Variants in TP53I3 observed in about 807,000 individuals in gnomAD.
The protein encoded by TP53I3 is tumor protein p53 inducible protein 3, also known as quinone oxidoreductase PIG3.
Under a neutral mutation model 27.7 loss-of-function variants are expected in TP53I3, and 32 were observed. The ratio of observed to expected loss-of-function variants is 1.16; its 90% CI spans 0.87 to 1.55. TP53I3 has a LOEUF of 1.55. TP53I3 is among the 40% of genes most tolerant of loss of function. TP53I3 has a pLI of 0.00. For synonymous variants in TP53I3, 138 were observed against 167.8 expected (o/e 0.82, Z 1.37); for missense variants, 372 against 412.3 (o/e 0.90, Z 0.85).
rs1379359720 is a variant in TP53I3, at chr2:24,079,432, T to A, written c.816+12A>T. The A allele has an allele frequency of 6.2e-7, 1 of 1,612,400 alleles. No individual in the cohort carries two copies. The highest frequency in any genetic ancestry group is 8.5e-7 in the Non-Finnish European group (1 of 1,179,056). On this transcript the variant is annotated intron_variant, in intron 4 of 4. Coordinates refer to ENST00000238721, the MANE Select transcript of TP53I3 (RefSeq NM_004881.5). ...GGTTAAATCACATGTTTTCTTTTCA[T>A]TCATCACTCACCTTATTGTCCCTAG... is the stretch of plus-strand genomic sequence containing the variant.
At position 24,080,489 on chromosome 2, in the gene TP53I3, C is replaced by T. The variant is rs1664950250; in HGVS notation, c.619+330G>A. ...CAACCCTACCATGGCTGGCTCCAAA[C>T]TGGTCTCTGCCTCCAAGCCTCCTGT... On this transcript the variant is annotated intron_variant, in intron 3 of 4. Transcript: ENST00000238721. This position sits in a 1 kb window ranked among gnomAD's most constrained non-coding sequence, Gnocchi z 4.7. Among the ~76,000 whole-genome samples the T allele has an allele frequency of 6.6e-6, 1 of 152,232 alleles. No individual in the cohort carries two copies. Among genetic ancestry groups the T allele is most frequent in the African/African-American group, 2.4e-5 (1 of 41,460 alleles).
At chr2:24,081,733 G>A (rs1665012048) in intron 2 of TP53I3, among the ~76,000 whole-genome samples, 1 of 148,966 alleles carries the variant, frequency 6.7e-6, no homozygotes, top group Non-Finnish European at 1.5e-5. Context: ...CTGTCACCCA[G>A]GCTGGAGTGC....
chr2:24,084,367 A>C lies in TP53I3; in HGVS notation c.-41T>G. 6.4e-7 allele frequency: 1 copy of C among 1,568,328 alleles called. No individual in the cohort carries two copies. Among genetic ancestry groups the C allele is most frequent in the Non-Finnish European group, 8.6e-7 (1 of 1,158,578 alleles). ...AGGGCAGGGCAGGGCAGGACAGGAC[A>C]GGGCAGGGCAGGGCAGGACAGGACA... On this transcript the variant is annotated 5_prime_UTR_variant, in exon 1 of 5. Transcript: ENST00000238721. The surrounding 1 kb of genome is among the most constrained non-coding windows in gnomAD (Gnocchi z 8.4).
chr2:24,084,182 TG>T lies in TP53I3; in HGVS notation c.138+6del. The T allele has an allele frequency of 6.2e-7, 1 of 1,609,714 alleles. No homozygotes were observed. Among genetic ancestry groups the T allele is most frequent in the Non-Finnish European group, 8.5e-7 (1 of 1,178,570 alleles). ...CGCCCGCCCCGGCGCGGCTGAGCCCTGGGTACCTGCATTAAGTCCGCCCGGT... is the reference window on the plus strand; with the variant it reads ...CGCCCGCCCCGGCGCGGCTGAGCCCTGGTACCTGCATTAAGTCCGCCCGGT... On this transcript the variant is annotated splice_donor_region_variant and intron_variant, in intron 1 of 4. Transcript: ENST00000238721. The surrounding 1 kb of genome is among the most constrained non-coding windows in gnomAD (Gnocchi z 8.4).
In TP53I3 at chr2:24,081,008, CAT is replaced by C. The variant is rs775776364; in HGVS notation, c.428_429del (p.Tyr143CysfsTer56). ...CCACTCAGTCCTGCATGGATTAGCA[CAT>C]AGTCTCCAGCCTGAACATTTCCTGT... ...HLVGNVQAGD[Y>X]VLIHAGLSGV... is the part of the protein sequence containing the mutation. On this transcript the variant is annotated frameshift_variant, in exon 3 of 5. Coordinates refer to ENST00000238721, the MANE Select transcript of TP53I3 (RefSeq NM_004881.5). LOFTEE classifies it high-confidence loss of function. 1.2e-5 allele frequency: 20 copies of C among 1,614,108 alleles called. No homozygotes were observed. In the South Asian group the frequency reaches 1.8e-4, roughly 14 times the overall value.
chr2:24,078,387 A>G (rs562685437), intron 4 of TP53I3, among the ~76,000 whole-genome samples: 21 of 151,360 alleles, frequency 1.4e-4, no homozygotes, highest in African/African-American at 5.1e-4. Context: ...AATACAAGCC[A>G]GGCATGGTGG....
At position 24,084,162 on chromosome 2, in the gene TP53I3, GC is replaced by G; in HGVS notation, c.138+26del. ...AGAGGGAGGCTCTGGAGTCCCGCCC[GC>G]CCCGGCGCGGCTGAGCCCTGGGTAC... On this transcript the variant is annotated intron_variant, in intron 1 of 4. Coordinates refer to ENST00000238721, the MANE Select transcript of TP53I3 (RefSeq NM_004881.5). This position sits in a 1 kb window ranked among gnomAD's most constrained non-coding sequence, Gnocchi z 8.4. 1 of 1,593,988 alleles carries G rather than the reference GC, an allele frequency of 6.3e-7. No individual in the cohort carries two copies.
In TP53I3 at chr2:24,077,630, G is replaced by A. The variant is rs1428651023; in HGVS notation, c.948C>T (p.Tyr316=). 1.2e-5 allele frequency: 19 copies of A among 1,614,110 alleles called. No homozygotes were observed. The highest frequency in any genetic ancestry group is 1.6e-5 in the Non-Finnish European group (19 of 1,179,998). The change falls in exon 5 of 5, where the codon TAC becomes TAT. Residue 316 remains tyrosine (Y), a synonymous_variant. Coordinates refer to ENST00000238721, the MANE Select transcript of TP53I3 (RefSeq NM_004881.5). This position sits in a 1 kb window ranked among gnomAD's most constrained non-coding sequence, Gnocchi z 5.5. ...TGCCTATGTTCTTGTTGGCCTCCAT[G>A]TACTTATGGGCCTCCTGGATTTCGG... ...PVTEIQEAHK[Y]MEANKNIGKI...
chr2:24,081,853 G>A (rs776200573), intron 2 of TP53I3, among the ~76,000 whole-genome samples: 2 of 151,714 alleles, frequency 1.3e-5, no homozygotes, highest in African/African-American at 2.4e-5. Flanking sequence ...CCACCACCAC[G>A]CCCAGCTAAT....
chr2:24,079,667 C>G (rs775235699), intron 3 of TP53I3, 27 bp from the exon 4 acceptor site: 1 of 1,607,228 alleles, frequency 6.2e-7, no homozygotes, highest in Admixed American at 1.7e-5. Context: ...ATTTGTGATG[C>G]TAGTCAGCTT....
Position 24,084,746 on chromosome 2 carries a change from C to T in TP53I3, c.-420G>A, listed in dbSNP as rs1366160517. On this transcript the variant is annotated 5_prime_UTR_variant, in exon 1 of 5. Transcript: ENST00000238721. The surrounding 1 kb of genome is among the most constrained non-coding windows in gnomAD (Gnocchi z 8.4). Reference sequence around the variant, plus strand: ...AGTTACTTACTCCTGGCCCGGCTCCCCTCCCATGCACCAGGCGGCGCCGAG... The same window carrying T: ...AGTTACTTACTCCTGGCCCGGCTCCTCTCCCATGCACCAGGCGGCGCCGAG... The T allele has an allele frequency of 6.3e-6, 1 of 159,530 alleles. No homozygotes were observed. The highest frequency in any genetic ancestry group is 2.4e-5 in the African/African-American group (1 of 41,652). The allele number at this position is 159,530 out of a possible 1,614,324, so 9.9% of individuals were successfully genotyped here. A position where few individuals can be genotyped will look rare whatever the true frequency, so the allele number is the denominator to read the frequency against.
rs1388685539 is a variant in TP53I3 at position 24,084,493 on chromosome 2, T to C, written c.-167A>G. 19 of 912,982 alleles carry C rather than the reference T, an allele frequency of 2.1e-5. No individual in the cohort carries two copies. The East Asian group carries it at 5.6e-4, about 27-fold the overall frequency. 56.6% of individuals were successfully genotyped at this position (912,982 alleles called of 1,614,324 possible). On this transcript the variant is annotated 5_prime_UTR_variant, in exon 1 of 5. Coordinates refer to ENST00000238721, the MANE Select transcript of TP53I3 (RefSeq NM_004881.5). The surrounding 1 kb of genome is among the most constrained non-coding windows in gnomAD (Gnocchi z 8.4). Reference sequence around the variant, plus strand: ...CGCCCCCTGCCGGCCAGCGCCTCGCTGCCCTGGTCTGCCGCGGACCCGGCC... The same window carrying C: ...CGCCCCCTGCCGGCCAGCGCCTCGCCGCCCTGGTCTGCCGCGGACCCGGCC...
chr2:24,078,369 CTA>C (rs1240383156), intron 4 of TP53I3, among the ~76,000 whole-genome samples: 1 of 150,956 alleles, frequency 6.6e-6, no homozygotes, highest in African/African-American at 2.4e-5. Context: ...AAACCTGTCT[CTA>C]TAAAAAATAC....
rs1558362467 is a variant in TP53I3, at chr2:24,084,207, G to A, written c.120C>T (p.Asn40=). The change falls in exon 1 of 5, where the codon AAC becomes AAT. Residue 40 remains asparagine, a synonymous_variant. Coordinates refer to ENST00000238721, the MANE Select transcript of TP53I3 (RefSeq NM_004881.5). This position sits in a 1 kb window ranked among gnomAD's most constrained non-coding sequence, Gnocchi z 8.4. ...TGGGTACCTGCATTAAGTCCGCCCG[G>A]TTCAGGGCGCTGGCCGCCACCTTCA... The part of the protein sequence containing the change: ...VLLKVAASAL[N]RADLMQRQGQ... 1 of 1,613,368 alleles carries A rather than the reference G, an allele frequency of 6.2e-7. No individual in the cohort carries two copies. Among genetic ancestry groups the A allele is most frequent in the Non-Finnish European group, 8.5e-7 (1 of 1,179,808 alleles).
Position 24,077,829 on chromosome 2 carries a change from A to G in TP53I3, c.817-68T>C. The stretch of plus-strand genomic sequence containing the variant: ...TCACCCTGCCCTCCTCATCCTCCTC[A>G]GCCTTCTTGCTCTCTCTGAAGCCAC... On this transcript the variant is annotated intron_variant, in intron 4 of 4. Coordinates refer to ENST00000238721, the MANE Select transcript of TP53I3 (RefSeq NM_004881.5). This position sits in a 1 kb window ranked among gnomAD's most constrained non-coding sequence, Gnocchi z 5.5. The G allele has an allele frequency of 1.3e-6, 2 of 1,535,610 alleles. No homozygotes were observed. Among genetic ancestry groups the G allele is most frequent in the Admixed American group, 1.9e-5 (1 of 51,614 alleles).
In TP53I3 at chr2:24,079,535, C is replaced by T; in HGVS notation, c.725G>A (p.Gly242Glu). Residue 242 changes from glycine to glutamate, a missense_variant, in exon 4 of 5, where the codon GGA becomes GAA. Transcript: ENST00000238721. ...DGRWVLYGLM[G>E]GGDINGPLFS... ...CAGGGGCCCATTGATGTCACCTCCT[C>T]CCATCAGACCATAGAGAACCCATCG... is the stretch of plus-strand genomic sequence containing the variant. 1.2e-6 allele frequency: 2 copies of T among 1,614,166 alleles called. No homozygotes were observed. Among genetic ancestry groups the T allele is most frequent in the Non-Finnish European group, 1.7e-6 (2 of 1,180,032 alleles).
intron 1 of TP53I3, among the ~76,000 whole-genome samples, chr2:24,083,564 C>A (rs1361519936): frequency 6.6e-6 from 1 of 152,286 alleles, no homozygotes; most frequent in East Asian, 1.9e-4. Context: ...TGTGGCAGAA[C>A]CACCTGAGGA....
Position 24,080,354 on chromosome 2 carries a change from C to CAA in TP53I3, c.619+463_619+464dup, listed in dbSNP as rs71395186. The stretch of plus-strand genomic sequence containing the variant: ...TCAGTGACAGAGTGAGACTCCATCT[C>CAA]AAAAAAAAAAAAGAAAGAGAAACGG... On this transcript the variant is annotated intron_variant, in intron 3 of 4. Transcript: ENST00000238721. This position sits in a 1 kb window ranked among gnomAD's most constrained non-coding sequence, Gnocchi z 4.7. Among the ~76,000 whole-genome samples, 5 of 135,032 alleles carry CAA rather than the reference C, an allele frequency of 3.7e-5. No homozygotes were observed. Among genetic ancestry groups the CAA allele is most frequent in the Admixed American group, 7.5e-5 (1 of 13,312 alleles). The allele number at this position is 135,032 out of a possible 152,430, so 88.6% of individuals were successfully genotyped here.
chr2:24,083,285 G>T, intron 1 of TP53I3, 133 bp from the exon 2 acceptor site: 2 of 1,189,004 alleles, frequency 1.7e-6, no homozygotes, highest in Non-Finnish European at 2.3e-6. Flanking sequence ...GTTTTTGTAA[G>T]TAAGGAGAAG....
Sources: gnomAD v4.1 joint callset for allele counts (sites outside exome capture counted in the v4.1 genomes callset) on GRCh38, gnomAD v4.1.1 for gene constraint, Gnocchi (gnomAD v3.1) non-coding constraint, MANE v1.5 for transcripts, NCBI Gene and HGNC (gene_info 2026-07-23, HGNC 2026-07-21) for gene names.